Variants in NOTCH2 observed in about 807,000 individuals in gnomAD.
NOTCH2 encodes notch receptor 2, also known as neurogenic locus notch homolog protein 2.
NOTCH2 carries 29 observed loss-of-function variants against 235.8 expected under a neutral mutation model. The ratio of observed to expected loss-of-function variants is 0.12; its 90% confidence interval spans 0.09 to 0.17. NOTCH2 has a LOEUF of 0.17. Among genes scored for constraint, NOTCH2 ranks in the 10% least tolerant of loss-of-function variants. The pLI is 1.00. For missense variants in NOTCH2, 2,285 were observed against 3,150.2 expected, an observed-to-expected ratio of 0.73 and a Z score of 6.57; for synonymous variants, 1,086 against 1,141.5, an observed-to-expected ratio of 0.95 and a Z score of 0.98.
intron 31 of NOTCH2, 69 bp from the exon 32 acceptor site, chr1:119,918,622 A>C: frequency 6.5e-7 from 1 of 1,529,628 alleles, no homozygotes; most frequent in Non-Finnish European, 9.0e-7. Flanking sequence ...TCAGTGAAGA[A>C]ACAAGGGCAT....
intron 2 of NOTCH2, among the ~76,000 whole-genome samples, chr1:120,010,076 T>C (rs1343525806): frequency 6.6e-6 from 1 of 152,166 alleles, no homozygotes; most frequent in Non-Finnish European, 1.5e-5. Flanking sequence ...TTATTCAATT[T>C]TTCTAAGGCT....
intron 7 of NOTCH2, 80 bp downstream of exon 7, chr1:119,967,997 A>G (rs928740996): frequency 3.3e-6 from 5 of 1,528,278 alleles, no homozygotes; most frequent in Non-Finnish European, 4.5e-6. Context: ...ATTTGCTTCT[A>G]CAGTAAAATG....
intron 6 of NOTCH2, 86 bp from the exon 7 acceptor site, chr1:119,968,318 C>A (rs587718498): frequency 2.2e-6 from 3 of 1,380,544 alleles, no homozygotes; most frequent in African/African-American, 2.9e-5. Context: ...GAGGGAAAAC[C>A]TCATGATCAG....
chr1:119,959,599 G>A, intron 11 of NOTCH2, 97 bp from the exon 12 acceptor site: 1 of 755,012 alleles, frequency 1.3e-6, no homozygotes, highest in Non-Finnish European at 2.4e-6. Flanking sequence ...AATCTAAGGT[G>A]AATTCCAGCC....
intron 13 of NOTCH2, 36 bp from the exon 14 acceptor site, chr1:119,953,724 T>C: frequency 6.3e-7 from 1 of 1,586,338 alleles, no homozygotes; most frequent in Non-Finnish European, 8.7e-7. Context: ...ATAGGAGGTA[T>C]AAACGTATGA....
chr1:119,930,950 A>C (rs1649631347), intron 22 of NOTCH2, among the ~76,000 whole-genome samples: 1 of 151,284 alleles, frequency 6.6e-6, no homozygotes, highest in South Asian at 2.1e-4. Context: ...ATACAAAAAA[A>C]AAATTAGCCA....
In NOTCH2 at chr1:119,916,459, T is replaced by C. The variant is rs979960400; in HGVS notation, c.6263A>G (p.Asn2088Ser). 8 of 1,613,266 alleles carry C rather than the reference T, an allele frequency of 5.0e-6. No individual in the cohort carries two copies. The highest frequency in any genetic ancestry group is 6.8e-6 in the Non-Finnish European group (8 of 1,179,410). Residue 2088 changes from asparagine (N) to serine (S), a missense_variant, in exon 34 of 34, where the codon AAC becomes AGC. Physicochemically the swap from Asn to Ser is conservative, Grantham distance 46. Coordinates refer to ENST00000256646, the MANE Select transcript of NOTCH2 (RefSeq NM_024408.4). ...SALSPVICGP[N>S]RSFLSLKHTP... ...GTGCTTCAGGCTGAGGAAAGATCTG[T>C]TGGGCCCACAGATGACAGGTGAGAG...
At chr1:119,937,176 A>G in intron 21 of NOTCH2, 106 bp downstream of exon 21, 1 of 1,150,646 alleles carries the variant, frequency 8.7e-7, no homozygotes, top group South Asian at 1.2e-5. Context: ...AAAAATCTAT[A>G]AACTATCAAT....
intron 12 of NOTCH2, among the ~76,000 whole-genome samples, chr1:119,955,860 T>C (rs1281533371): frequency 3.3e-5 from 5 of 152,254 alleles, no homozygotes; most frequent in Admixed American, 1.3e-4. Context: ...AGTCTGTCAC[T>C]GCAGACCTAT....
chr1:119,916,223 A>G lies in NOTCH2; in HGVS notation c.6499T>C (p.Ser2167Pro). Residue 2167 changes from serine (S) to proline (P), a missense_variant, in exon 34 of 34, where the codon TCT (serine) becomes CCT (proline). Physicochemically the swap from Ser to Pro is moderately conservative, Grantham distance 74. Coordinates refer to ENST00000256646, the MANE Select transcript of NOTCH2 (RefSeq NM_024408.4). ...PHTYVSDTTSSPMITSPGILQ... is the reference protein window; with the variant it reads ...PHTYVSDTTSPPMITSPGILQ... ...ATCCCAGGGGATGTAATCATTGGAG[A>G]GGATGTGGTGTCGGAAACATACGTG... 6.2e-7 allele frequency: 1 copy of G among 1,614,176 alleles called. No homozygotes were observed. Among genetic ancestry groups the G allele is most frequent in the Non-Finnish European group, 8.5e-7 (1 of 1,180,012 alleles).
chr1:119,995,607 A>C (rs1553203967), intron 4 of NOTCH2: 1 of 152,248 alleles, frequency 6.6e-6, no homozygotes, highest in Admixed American at 6.5e-5. Flanking sequence ...CTACAAGATA[A>C]AGTGAATAGT....
chr1:119,958,605 C>T (rs989382980), intron 12 of NOTCH2, among the ~76,000 whole-genome samples: 1 of 152,106 alleles, frequency 6.6e-6, no homozygotes, highest in Non-Finnish European at 1.5e-5. Flanking sequence ...CAAGAAGAAA[C>T]TCAGGTGTGT....
chr1:119,977,318 C>A (rs1230012619), intron 5 of NOTCH2, among the ~76,000 whole-genome samples: 1 of 152,102 alleles, frequency 6.6e-6, no homozygotes, highest in African/African-American at 2.4e-5. Context: ...ACACGCAAAC[C>A]CCTCATCCCA....
At chr1:120,041,092 T>TATATATC (rs1654547838) in intron 1 of NOTCH2, among the ~76,000 whole-genome samples, 1 of 103,586 alleles carries the variant, frequency 9.7e-6, no homozygotes, top group African/African-American at 7.2e-5. Flanking sequence ...ATATATATAT[T>TATATATC]CCTGAACTTC....
rs1447900658 is a variant in NOTCH2, at chr1:119,922,762, C to A, written c.4876G>T (p.Glu1626Ter). The A allele has an allele frequency of 6.2e-7, 1 of 1,614,062 alleles. No homozygotes were observed. The highest frequency in any genetic ancestry group is 8.5e-7 in the Non-Finnish European group (1 of 1,180,004). Residue 1626 changes from glutamate to a stop codon, truncating the protein, a stop_gained, in exon 27 of 34, where the codon GAA (glutamate) becomes TAA (stop). Transcript: ENST00000256646. LOFTEE classifies it high-confidence loss of function. ...TGAACACACTGGCGGTTGTCAATTTCCAGAAAGACTTTAGAGCTGTGGGAT... is the reference window on the plus strand; with the variant it reads ...TGAACACACTGGCGGTTGTCAATTTACAGAAAGACTTTAGAGCTGTGGGAT... ...QEVAGSKVFLEIDNRQCVQDS... is the reference protein window; with the variant it reads ...QEVAGSKVFL
chr1:119,918,571 A>G lies in NOTCH2; in HGVS notation c.5782-18T>C. 6.2e-7 allele frequency: 1 copy of G among 1,613,932 alleles called. No homozygotes were observed. Among genetic ancestry groups the G allele is most frequent in the South Asian group, 1.1e-5 (1 of 91,076 alleles). On this transcript the variant is annotated intron_variant, in intron 31 of 33. Transcript: ENST00000256646. ...ATCAGAATCTAGAAGAGGAGAAAGT[A>G]CAGAAAAGAGAGTCACCTGGATGAA...
chr1:119,973,982 G>A (rs1651467060), intron 5 of NOTCH2, among the ~76,000 whole-genome samples: 1 of 152,136 alleles, frequency 6.6e-6, no homozygotes, highest in South Asian at 2.1e-4. Flanking sequence ...AGGAGGATGA[G>A]GAAAGACATG....
At chr1:120,063,509 A>G (rs1655392601) in intron 1 of NOTCH2, among the ~76,000 whole-genome samples, 1 of 152,208 alleles carries the variant, frequency 6.6e-6, no homozygotes, top group African/African-American at 2.4e-5. Context: ...CAACACAAAC[A>G]GAAGTCTGAA....
intron 3 of NOTCH2, among the ~76,000 whole-genome samples, chr1:120,002,291 T>C (rs1652789534): frequency 6.7e-6 from 1 of 150,052 alleles, no homozygotes; most frequent in African/African-American, 2.4e-5. Flanking sequence ...AGAAAGGCGT[T>C]ACAGTGTTGG....
Sources: allele counts gnomAD v4.1 joint callset (sites outside exome capture counted in the v4.1 genomes callset), GRCh38; gene constraint gnomAD v4.1.1; transcripts MANE v1.5; gene names NCBI Gene and HGNC (gene_info 2026-07-23, HGNC 2026-07-21).